The following LMBR1 variants were observed in gnomAD, a reference collection of about 807,000 sequenced individuals.
LMBR1 encodes limb region 1 protein homolog.
In LMBR1, 52 loss-of-function variants were observed where a neutral mutation model predicts 73.9. The ratio of observed to expected loss-of-function variants is 0.70; its 90% CI spans 0.56 to 0.89. LMBR1 has a LOEUF of 0.89. Among genes scored for constraint, LMBR1 ranks in the 40% least tolerant of loss-of-function variants. The pLI, the probability that LMBR1 is intolerant of heterozygous loss-of-function variation, is 0.00. For synonymous variants in LMBR1, 215 were observed against 209.4 expected, an observed-to-expected ratio of 1.03 and a Z score of -0.23; for missense variants, 539 against 579.8, an observed-to-expected ratio of 0.93 and a Z score of 0.72.
Position 156,807,166 on chromosome 7 carries a change from G to T in LMBR1, c.320-10674C>A, listed in dbSNP as rs191476868. On this transcript the variant is annotated intron_variant, in intron 4 of 16. Transcript: ENST00000353442. ...TTAGAACTTAAGCATCTATGTTCGTGACACTGGCCTGTCATGAAACTTTCA... is the reference window on the plus strand; with the variant it reads ...TTAGAACTTAAGCATCTATGTTCGTTACACTGGCCTGTCATGAAACTTTCA... 1.1e-3 allele frequency among the ~76,000 whole-genome samples: 169 copies of T among 152,220 alleles called. 1 individual carries two copies. In the East Asian group the frequency reaches 0.031, roughly 28 times the overall value.
At chr7:156,758,090 C>G (rs1211726957) in intron 8 of LMBR1, among the ~76,000 whole-genome samples, 2 of 152,184 alleles carry the variant, frequency 1.3e-5, no homozygotes, top group Non-Finnish European at 2.9e-5. Flanking sequence ...AAAGAGGGAA[C>G]ATTTAGGCTG....
chr7:156,705,048 G>GC (rs1563173371), intron 15 of LMBR1, among the ~76,000 whole-genome samples: 1 of 152,174 alleles, frequency 6.6e-6, no homozygotes, highest in Non-Finnish European at 1.5e-5. Flanking sequence ...AAGATCCCAA[G>GC]TATAGCAAGA....
chr7:156,833,548 A>C (rs558674365), intron 3 of LMBR1: 1 of 524,608 alleles, frequency 1.9e-6, no homozygotes, highest in African/African-American at 2.0e-5. Flanking sequence ...AAAATCTGTC[A>C]GCTCCTTAAA....
At chr7:156,889,918 C>A (rs1032315914) in intron 1 of LMBR1, among the ~76,000 whole-genome samples, 1 of 151,980 alleles carries the variant, frequency 6.6e-6, no homozygotes, top group Non-Finnish European at 1.5e-5. Flanking sequence ...GTGGGAGGAT[C>A]GCCTGAGCCT....
chr7:156,892,851 A>AT, intron 1 of LMBR1, 77 bp downstream of exon 1: 2 of 1,059,122 alleles, frequency 1.9e-6, no homozygotes, highest in South Asian at 4.1e-5. Context: ...GGGTCCGGGG[A>AT]CCGGGGGCCC....
intron 5 of LMBR1, among the ~76,000 whole-genome samples, chr7:156,774,505 A>G (rs1236136403): frequency 1.3e-5 from 2 of 152,264 alleles, no homozygotes; most frequent in Non-Finnish European, 2.9e-5. Context: ...AATGTGGTAC[A>G]TATACACCAT....
intron 5 of LMBR1, among the ~76,000 whole-genome samples, chr7:156,765,862 G>T (rs1444344643): frequency 6.6e-6 from 1 of 152,128 alleles, no homozygotes; most frequent in African/African-American, 2.4e-5. Flanking sequence ...GAGCTAAACA[G>T]TGTTAATAGT....
At chr7:156,838,289 G>A (rs533839666) in intron 1 of LMBR1, among the ~76,000 whole-genome samples, 2 of 152,016 alleles carry the variant, frequency 1.3e-5, no homozygotes, top group East Asian at 1.9e-4. Context: ...ATTTATTATA[G>A]TCTTCATGTT....
rs377662885 is a variant in LMBR1 at position 156,728,715 on chromosome 7, G to T, written c.844C>A (p.Arg282=). 6.3e-6 allele frequency: 10 copies of T among 1,595,082 alleles called. No homozygotes were observed. Among genetic ancestry groups the T allele is most frequent in the Non-Finnish European group, 8.5e-6 (10 of 1,173,372 alleles). ...VKTLKTKLER[R]KKASAWERNL... is the part of the protein sequence containing the mutation. ...CTTTCCCATGCTGAAGCCTTTTTTC[G>T]CCTCTCTATTAAAAGGAAAAACAAA... is the stretch of plus-strand genomic sequence containing the variant. The change falls in exon 11 of 17, where the codon CGA becomes AGA. Residue 282 remains arginine, a synonymous_variant. Transcript: ENST00000353442.
intron 15 of LMBR1, among the ~76,000 whole-genome samples, chr7:156,711,159 A>C (rs1019800475): frequency 1.3e-5 from 2 of 152,112 alleles, no homozygotes; most frequent in Non-Finnish European, 2.9e-5. Context: ...AAATACAAAA[A>C]ATTAGCTGTG....
At chr7:156,767,041 G>A (rs146816569) in intron 5 of LMBR1, among the ~76,000 whole-genome samples, 246 of 152,268 alleles carry the variant, frequency 1.6e-3, no homozygotes, top group African/African-American at 5.4e-3. Flanking sequence ...CTTGCTTAAC[G>A]GTGTGGGCCA....
At chr7:156,762,323 C>T in intron 7 of LMBR1, 125 bp from the exon 8 acceptor site, 1 of 640,436 alleles carries the variant, frequency 1.6e-6, no homozygotes, top group Non-Finnish European at 2.8e-6. Flanking sequence ...TTCTTCTCTC[C>T]AACTGAGATT....
At chr7:156,874,546 C>T (rs1209767566) in intron 1 of LMBR1, among the ~76,000 whole-genome samples, 1 of 152,250 alleles carries the variant, frequency 6.6e-6, no homozygotes, top group Admixed American at 6.5e-5. Flanking sequence ...CCGAGGACCG[C>T]CAGCACACTG....
At chr7:156,853,050 C>A (rs1484268626) in intron 1 of LMBR1, among the ~76,000 whole-genome samples, 1 of 151,806 alleles carries the variant, frequency 6.6e-6, no homozygotes, top group African/African-American at 2.4e-5. Flanking sequence ...GCCATTTTCC[C>A]GCCTCGGCCT....
At chr7:156,784,475 T>C (rs1187616349) in intron 5 of LMBR1, among the ~76,000 whole-genome samples, 1 of 152,172 alleles carries the variant, frequency 6.6e-6, no homozygotes, top group Non-Finnish European at 1.5e-5. Flanking sequence ...CGTTCACTAC[T>C]TCAGCCCAAA....
rs769121454 is a variant in LMBR1 at position 156,684,208 on chromosome 7, GT to G, written c.1388-46del. 3.4e-6 allele frequency: 5 copies of G among 1,459,678 alleles called. No homozygotes were observed. In the African/African-American group the frequency reaches 7.0e-5, roughly 20 times the overall value. 90.4% of individuals were successfully genotyped at this position (1,459,678 alleles called of 1,614,324 possible). A position where few individuals can be genotyped will look rare whatever the true frequency, so the allele number is the denominator to read the frequency against. On this transcript the variant is annotated intron_variant, in intron 16 of 16. Coordinates refer to ENST00000353442, the MANE Select transcript of LMBR1 (RefSeq NM_022458.4). ...ATGGTGAGAAATGATATATTGCTGA[GT>G]GGCTGGGAAAGGGTTAGGGTAGGGA...
rs1231026195 is a variant in LMBR1, at chr7:156,680,162, A to G, written c.*3916T>C. The G allele has an allele frequency of 1.3e-5, 2 of 150,938 alleles. No individual in the cohort carries two copies. The highest frequency in any genetic ancestry group is 1.9e-4 in the East Asian group (1 of 5,132). 9.3% of individuals were successfully genotyped at this position (150,938 alleles called of 1,614,324 possible). On this transcript the variant is annotated 3_prime_UTR_variant, in exon 17 of 17. Coordinates refer to ENST00000353442, the MANE Select transcript of LMBR1 (RefSeq NM_022458.4). ...TATTCAAAAACCAAAAAAAAAAAAA[A>G]CTCCAAAAAGGTCTTTGTATTATTT...
Position 156,730,531 on chromosome 7 carries a change from C to T in LMBR1, c.839-1811G>A, listed in dbSNP as rs904254818. On this transcript the variant is annotated intron_variant, in intron 10 of 16. Transcript: ENST00000353442. The stretch of plus-strand genomic sequence containing the variant: ...ATGGATTAGACTGATACGTCCCTAC[C>T]GTAACTGTCTACCAGAAGCAAAAGT... Among the ~76,000 whole-genome samples, 5 of 152,154 alleles carry T rather than the reference C, an allele frequency of 3.3e-5. No individual in the cohort carries two copies. In the East Asian group the frequency reaches 7.7e-4, roughly 23 times the overall value.
chr7:156,818,002 C>T (rs140125233), intron 4 of LMBR1, among the ~76,000 whole-genome samples: 9 of 152,182 alleles, frequency 5.9e-5, no homozygotes, highest in Middle Eastern at 3.4e-3. Context: ...TAAACAATAC[C>T]TCAATATCCA....
Sources: allele counts gnomAD v4.1 joint callset (sites outside exome capture counted in the v4.1 genomes callset), GRCh38; gene constraint gnomAD v4.1.1; transcripts MANE v1.5; gene names NCBI Gene and HGNC (gene_info 2026-07-23, HGNC 2026-07-21).